ADGB: variants seen among roughly 807,000 people sequenced by gnomAD.
ADGB encodes the protein androglobin.
ADGB carries 172 observed loss-of-function variants against 210.5 expected under a neutral mutation model. That is an observed-to-expected ratio of 0.82 (90% CI 0.72 to 0.93). ADGB has a LOEUF of 0.93. Ranked by LOEUF, ADGB falls within the 40% of genes least tolerant of loss-of-function variation. The probability of loss-of-function intolerance (pLI) is 0.00; values close to 1 mark genes in which losing one functional copy is unlikely to be tolerated. For synonymous variants in ADGB, 658 were observed against 662.7 expected (o/e 0.99, Z 0.11); for missense variants, 2,025 against 1,964.8 (o/e 1.03, Z -0.58).
intron 7 of ADGB, 90 bp downstream of exon 7, chr6:146,666,992 G>A: frequency 8.9e-7 from 1 of 1,121,312 alleles, no homozygotes; most frequent in Non-Finnish European, 1.2e-6. Context: ...AAAATTTCAA[G>A]AAAGGTCATG....
intron 8 of ADGB, among the ~76,000 whole-genome samples, chr6:146,675,819 A>C (rs2114906691): frequency 6.6e-6 from 1 of 152,314 alleles, no homozygotes; most frequent in Non-Finnish European, 1.5e-5. Flanking sequence ...GTAGGCAATA[A>C]GATGCTGGTT....
intron 11 of ADGB, among the ~76,000 whole-genome samples, 173 bp downstream of exon 11, chr6:146,691,463 TATATATATATATAA>T (rs1562275618): frequency 1.3e-3 from 20 of 15,450 alleles, no homozygotes; most frequent in African/African-American, 3.0e-3. Flanking sequence ...TATATAAAAA[TATATATATATATAA>T]ATATATATAT....
intron 1 of ADGB, among the ~76,000 whole-genome samples, chr6:146,602,595 G>A (rs1233364782): frequency 2.0e-5 from 3 of 152,136 alleles, no homozygotes; most frequent in African/African-American, 7.2e-5. Flanking sequence ...TCACAGTTCT[G>A]GAGGCTAGAA....
At chr6:146,647,007 C>A (rs970159573) in intron 3 of ADGB, among the ~76,000 whole-genome samples, 5 of 150,390 alleles carry the variant, frequency 3.3e-5, no homozygotes, top group Non-Finnish European at 7.4e-5. Flanking sequence ...GTGAATCACT[C>A]GAACCTGGGA....
intron 7 of ADGB, among the ~76,000 whole-genome samples, chr6:146,669,656 C>T (rs1775980079): frequency 1.3e-5 from 2 of 152,072 alleles, no homozygotes; most frequent in South Asian, 4.1e-4. Context: ...CTTTCTCAGG[C>T]TTCTTGGATA....
At chr6:146,717,129 T>C in intron 15 of ADGB, 60 bp downstream of exon 15, 1 of 1,329,508 alleles carries the variant, frequency 7.5e-7, no homozygotes, top group Non-Finnish European at 1.0e-6. Flanking sequence ...TGAGCTGCAT[T>C]AGTATACAAA....
At chr6:146,664,131 G>T in intron 5 of ADGB, 70 bp from the exon 6 acceptor site, 2 of 1,392,120 alleles carry the variant, frequency 1.4e-6, no homozygotes, top group Admixed American at 2.7e-5. Flanking sequence ...TGTCAGCCAC[G>T]TGCAATCATT....
At chr6:146,662,671 A>G (rs1225789033) in intron 5 of ADGB, among the ~76,000 whole-genome samples, 1 of 151,786 alleles carries the variant, frequency 6.6e-6, no homozygotes, top group Admixed American at 6.6e-5. Flanking sequence ...GGGTTTTGGT[A>G]TGATAGGTAA....
intron 33 of ADGB, among the ~76,000 whole-genome samples, chr6:146,796,786 C>T (rs991239878): frequency 1.3e-5 from 2 of 151,502 alleles, no homozygotes; most frequent in African/African-American, 4.8e-5. Flanking sequence ...AGAAAAACCC[C>T]TTAGGCAAAG....
At chr6:146,642,936 A>T (rs1168587744) in intron 2 of ADGB, among the ~76,000 whole-genome samples, 1 of 151,938 alleles carries the variant, frequency 6.6e-6, no homozygotes, top group East Asian at 1.9e-4. Context: ...TAAAAAAATT[A>T]ACAGACATGA....
Position 146,784,773 on chromosome 6 carries a change from T to C in ADGB, c.4191T>C (p.Thr1397=), listed in dbSNP as rs944285511. Residue 1397 remains threonine, a synonymous_variant, in exon 31 of 36, where the codon ACT becomes ACC. Coordinates refer to ENST00000397944, the MANE Select transcript of ADGB (RefSeq NM_024694.4). ...IRAMKQAWET[T]EPGRAIKASQ... is the part of the protein sequence containing the mutation. ...CCATGAAACAAGCCTGGGAGACAAC[T>C]GAGCCAGGAAGAGCAATCAAGGTCA... is the stretch of plus-strand genomic sequence containing the variant. 4 of 1,549,546 alleles carry C rather than the reference T, an allele frequency of 2.6e-6. No individual in the cohort carries two copies. Among genetic ancestry groups the C allele is most frequent in the Non-Finnish European group, 3.5e-6 (4 of 1,146,158 alleles).
chr6:146,698,823 G>A (rs893847157), intron 12 of ADGB, among the ~76,000 whole-genome samples: 7 of 152,082 alleles, frequency 4.6e-5, no homozygotes, highest in African/African-American at 1.7e-4. Context: ...TTTGAGGCAA[G>A]TGGTGCCTCT....
intron 30 of ADGB, among the ~76,000 whole-genome samples, chr6:146,782,680 GT>G: frequency 6.6e-6 from 1 of 152,114 alleles, no homozygotes; most frequent in Non-Finnish European, 1.5e-5. Context: ...GGCTGGAGGG[GT>G]CAGTAAGGGT....
intron 13 of ADGB, among the ~76,000 whole-genome samples, chr6:146,713,468 T>A (rs1209528496): frequency 1.3e-5 from 2 of 152,242 alleles, no homozygotes; most frequent in Non-Finnish European, 2.9e-5. Context: ...ATTGTAATTT[T>A]GGTTTGTATT....
At chr6:146,687,562 C>T (rs1481957587) in intron 10 of ADGB, among the ~76,000 whole-genome samples, 8 of 152,016 alleles carry the variant, frequency 5.3e-5, no homozygotes, top group African/African-American at 7.2e-5. Flanking sequence ...TCAAACACCA[C>T]GTGTTCTCAC....
chr6:146,793,914 C>G (rs1050917930), intron 33 of ADGB, among the ~76,000 whole-genome samples: 4 of 152,182 alleles, frequency 2.6e-5, no homozygotes, highest in African/African-American at 9.6e-5. Flanking sequence ...GCCAAAGAGT[C>G]TATTTGGGAT....
intron 18 of ADGB, chr6:146,724,670 C>G (rs570449552): frequency 6.5e-6 from 1 of 154,728 alleles, no homozygotes; most frequent in Non-Finnish European, 1.4e-5. Context: ...TGAATTTTCT[C>G]ATAAATATTT....
intron 27 of ADGB, among the ~76,000 whole-genome samples, chr6:146,753,441 A>AT (rs1213855423): frequency 6.6e-6 from 1 of 151,882 alleles, no homozygotes; most frequent in Non-Finnish European, 1.5e-5. Context: ...AACTTTATTT[A>AT]TTTTTTGTGG....
chr6:146,722,434 A>C (rs1394456660), intron 17 of ADGB, among the ~76,000 whole-genome samples: 3 of 152,062 alleles, frequency 2.0e-5, no homozygotes, highest in African/African-American at 7.2e-5. Context: ...TCCTGGAAAA[A>C]CTTCACTATT....
Sources: allele counts gnomAD v4.1 joint callset (sites outside exome capture counted in the v4.1 genomes callset), GRCh38; gene constraint gnomAD v4.1.1; transcripts MANE v1.5; gene names NCBI Gene and HGNC (gene_info 2026-07-23, HGNC 2026-07-21).